Variants in FSD1 observed in about 807,000 individuals in gnomAD.
FSD1 encodes fibronectin type III and SPRY domain containing 1, also known as fibronectin type III and SPRY domain-containing protein 1.
FSD1 carries 23 observed loss-of-function variants against 58.2 expected under a neutral mutation model. That is an observed-to-expected ratio of 0.40 (90% CI 0.28 to 0.56). The LOEUF is 0.56. Ranked by LOEUF, FSD1 falls within the 20% of genes least tolerant of loss-of-function variation. The pLI is 0.54. For synonymous variants in FSD1, 265 were observed against 263.4 expected (o/e 1.01, Z -0.06); for missense variants, 563 against 670.8 (o/e 0.84, Z 1.78).
At chr19:4,307,580 G>A (rs1971636106) in intron 3 of FSD1, among the ~76,000 whole-genome samples, 1 of 151,560 alleles carries the variant, frequency 6.6e-6, no homozygotes, top group Non-Finnish European at 1.5e-5. Flanking sequence ...TGTTGGCCAG[G>A]CTAGTCTTGA....
At chr19:4,315,449 C>T (rs1261093051) in intron 7 of FSD1, among the ~76,000 whole-genome samples, 4 of 151,522 alleles carry the variant, frequency 2.6e-5, no homozygotes, top group Non-Finnish European at 5.9e-5. Flanking sequence ...GCTGGGACTA[C>T]AGGCGCCTGC....
intron 9 of FSD1, 147 bp downstream of exon 9, chr19:4,318,652 G>A: frequency 8.5e-6 from 7 of 826,392 alleles, no homozygotes; most frequent in Non-Finnish European, 1.3e-5. Flanking sequence ...AGGAGGTTTT[G>A]AGTGGAGTTT....
chr19:4,323,192 GC>G lies in FSD1; in HGVS notation c.1251del (p.Val418CysfsTer51). ...KHANKVKVLDAPVPDCLGVHC... is the reference protein window; with the variant it reads ...KHANKVKVLDXPVPDCLGVHC... ...CGCCAACAAGGTCAAGGTGCTGGAC[GC>G]CCCCGTGCCCGACTGCCTGGGTGTG... is the stretch of plus-strand genomic sequence containing the variant. On this transcript the variant is annotated frameshift_variant, in exon 11 of 13. Transcript: ENST00000221856. LOFTEE classifies it high-confidence loss of function. The surrounding 1 kb of genome is among the most constrained non-coding windows in gnomAD (Gnocchi z 7.7). 6.2e-7 allele frequency: 1 copy of G among 1,604,594 alleles called. No homozygotes were observed.
At chr19:4,318,203 T>C in intron 8 of FSD1, 143 bp from the exon 9 acceptor site, 1 of 996,580 alleles carries the variant, frequency 1.0e-6, no homozygotes, top group Non-Finnish European at 1.5e-6. Context: ...GTCTCTTATC[T>C]CTGTCTTGGA....
chr19:4,323,108 G>A lies in FSD1; in HGVS notation c.1162G>A (p.Ala388Thr), dbSNP rs370463498. 1 of 1,608,030 alleles carries A rather than the reference G, an allele frequency of 6.2e-7. No homozygotes were observed. Among genetic ancestry groups the A allele is most frequent in the South Asian group, 1.1e-5 (1 of 91,088 alleles). ...CCGCTTCGAGCAACTGGGCAAGACG[G>A]CCGCCTCCTGGTGCCTGCACGTCAA... ...LGRFEQLGKTAASWCLHVNNW... is the reference protein window; with the variant it reads ...LGRFEQLGKTTASWCLHVNNW... Residue 388 changes from alanine (A) to threonine (T), a missense_variant, in exon 11 of 13, where the codon GCC becomes ACC. Physicochemically the swap from Ala to Thr is moderately conservative, Grantham distance 58. Transcript: ENST00000221856. The surrounding 1 kb of genome is among the most constrained non-coding windows in gnomAD (Gnocchi z 7.7).
chr19:4,305,872 G>A, intron 1 of FSD1, 74 bp from the exon 2 acceptor site: 2 of 1,071,400 alleles, frequency 1.9e-6, no homozygotes, highest in Non-Finnish European at 2.9e-6. Context: ...GTGTACATGT[G>A]CGTACACGTG....
Position 4,320,391 on chromosome 19 carries a change from G to C in FSD1, c.1039+1440G>C, listed in dbSNP as rs553575991. Among the ~76,000 whole-genome samples, 27 of 152,190 alleles carry C rather than the reference G, an allele frequency of 1.8e-4. No homozygotes were observed. In the East Asian group the frequency reaches 5.0e-3, roughly 28 times the overall value. The stretch of plus-strand genomic sequence containing the variant: ...GGAACTAGGGGGAGCATCTGGACTC[G>C]AGGAGGACTTGAGGCCTGTGGGAAC... On this transcript the variant is annotated intron_variant, in intron 10 of 12. Coordinates refer to ENST00000221856, the MANE Select transcript of FSD1 (RefSeq NM_024333.3).
intron 1 of FSD1, 77 bp from the exon 2 acceptor site, chr19:4,305,859 CGTGTGTACAT>C: frequency 1.1e-6 from 1 of 943,656 alleles, no homozygotes; most frequent in Non-Finnish European, 1.7e-6. Context: ...TGTGTGTGCA[CGTGTGTACAT>C]GTGCGTACAC....
intron 7 of FSD1, among the ~76,000 whole-genome samples, chr19:4,315,360 G>C (rs1352360783): frequency 7.0e-6 from 1 of 143,806 alleles, no homozygotes; most frequent in Non-Finnish European, 1.5e-5. Context: ...CCAGGCTGGA[G>C]TGCAGTGGTG....
chr19:4,305,998 A>G lies in FSD1; in HGVS notation c.68A>G (p.Gln23Arg). The change falls in exon 2 of 13, where the codon CAG (glutamine) becomes CGG (arginine). Residue 23 changes from glutamine to arginine, a missense_variant. By Grantham distance (43) the Gln-to-Arg change is conservative. Coordinates refer to ENST00000221856, the MANE Select transcript of FSD1 (RefSeq NM_024333.3). ...KTLAVKNEEI[Q>R]SFIYSLKQML... is the part of the protein sequence containing the mutation. The stretch of plus-strand genomic sequence containing the variant: ...CTGGCTGTGAAGAATGAAGAAATTC[A>G]GAGCTTTATCTACTCCCTGAAACAG... 1 of 1,614,176 alleles carries G rather than the reference A, an allele frequency of 6.2e-7. No homozygotes were observed. The highest frequency in any genetic ancestry group is 8.5e-7 in the Non-Finnish European group (1 of 1,180,012).
chr19:4,314,693 A>ACCAGG (rs1445706227), intron 7 of FSD1, among the ~76,000 whole-genome samples: 3 of 152,080 alleles, frequency 2.0e-5, no homozygotes, highest in African/African-American at 7.2e-5. Flanking sequence ...CTCCATGTTG[A>ACCAGG]CCAGGCTGGT....
chr19:4,316,780 C>T (rs2144766043), intron 7 of FSD1, among the ~76,000 whole-genome samples: 1 of 150,444 alleles, frequency 6.6e-6, no homozygotes, highest in Non-Finnish European at 1.5e-5. Flanking sequence ...GATGGAGTTT[C>T]GTTCTTGTTG....
chr19:4,317,045 G>A lies in FSD1; in HGVS notation c.701-137G>A, dbSNP rs1037546980. On this transcript the variant is annotated intron_variant, in intron 7 of 12. Transcript: ENST00000221856. ...TGGGATTACAGGCGTGAGCCAGTGC[G>A]CCCGGCTGGATAAGATGTTTATAAG... 9.3e-5 allele frequency: 57 copies of A among 609,934 alleles called. 1 individual carries two copies. Among genetic ancestry groups the A allele is most frequent in the Middle Eastern group, 8.1e-4 (3 of 3,716 alleles). 37.8% of individuals were successfully genotyped at this position (609,934 alleles called of 1,614,324 possible).
intron 7 of FSD1, among the ~76,000 whole-genome samples, chr19:4,313,187 A>G (rs2144761856): frequency 6.6e-6 from 1 of 151,314 alleles, no homozygotes; most frequent in African/African-American, 2.4e-5. Flanking sequence ...ATCTATAAAA[A>G]AAAAAAAAAT....
chr19:4,314,349 C>A (rs533400869), intron 7 of FSD1, among the ~76,000 whole-genome samples: 1 of 152,206 alleles, frequency 6.6e-6, no homozygotes, highest in Admixed American at 6.6e-5. Flanking sequence ...GTTTTGTTTT[C>A]TTGTAACTTT....
intron 9 of FSD1, 128 bp from the exon 10 acceptor site, chr19:4,318,744 A>G: frequency 1.2e-6 from 1 of 815,784 alleles, no homozygotes; most frequent in Non-Finnish European, 2.1e-6. Flanking sequence ...ATATATAGAT[A>G]GAGCCAAATA....
In FSD1 at chr19:4,305,259, C is replaced by G. The variant is rs183853705; in HGVS notation, c.15+498C>G. Reference sequence around the variant, plus strand: ...CCCCTCCCCGCTTACCTGGCGCCCCCGCATCCCTGGCCCCCAGGTTCCACC... The same window carrying G: ...CCCCTCCCCGCTTACCTGGCGCCCCGGCATCCCTGGCCCCCAGGTTCCACC... On this transcript the variant is annotated intron_variant, in intron 1 of 12. Coordinates refer to ENST00000221856, the MANE Select transcript of FSD1 (RefSeq NM_024333.3). Among the ~76,000 whole-genome samples the G allele has an allele frequency of 6.3e-3, 943 of 150,584 alleles. 9 individuals carry two copies. Among genetic ancestry groups the G allele is most frequent in the African/African-American group, 0.022 (914 of 40,878 alleles).
At chr19:4,305,703 C>T (rs1599531801) in intron 1 of FSD1, among the ~76,000 whole-genome samples, 1 of 152,204 alleles carries the variant, frequency 6.6e-6, no homozygotes, top group Admixed American at 6.5e-5. Context: ...AGCGTGGCAG[C>T]CCCCACATCT....
chr19:4,307,344 C>T (rs1358802365), intron 3 of FSD1, among the ~76,000 whole-genome samples: 1 of 152,028 alleles, frequency 6.6e-6, no homozygotes, highest in Non-Finnish European at 1.5e-5. Flanking sequence ...GCATGAGCCT[C>T]TGTGCCTGGC....
Sources: allele counts gnomAD v4.1 joint callset (sites outside exome capture counted in the v4.1 genomes callset), GRCh38; gene constraint gnomAD v4.1.1; non-coding constraint Gnocchi (gnomAD v3.1); transcripts MANE v1.5; gene names NCBI Gene and HGNC (gene_info 2026-07-23, HGNC 2026-07-21).